Variants in ZC3HAV1 observed in about 807,000 individuals in gnomAD.
The protein encoded by ZC3HAV1 is zinc finger CCCH-type antiviral protein 1.
Under a neutral mutation model 86.6 loss-of-function variants are expected in ZC3HAV1, and 41 were observed. The ratio of observed to expected loss-of-function variants is 0.47; its 90% confidence interval spans 0.37 to 0.61. ZC3HAV1 has a LOEUF of 0.61. Ranked by LOEUF, ZC3HAV1 falls within the 20% of genes least tolerant of loss-of-function variation. ZC3HAV1 has a pLI of 0.00. For missense variants in ZC3HAV1, 964 were observed against 1,141.1 expected (o/e 0.84, Z 2.24); for synonymous variants, 421 against 432.1 (o/e 0.97, Z 0.32).
intron 10 of ZC3HAV1, 59 bp downstream of exon 10, chr7:139,055,146 G>A: frequency 2.7e-6 from 4 of 1,456,828 alleles, no homozygotes; most frequent in Non-Finnish European, 3.8e-6. Context: ...TACACTTGTA[G>A]CAAAGTACTT....
At chr7:139,086,675 A>G (rs1162673709) in intron 2 of ZC3HAV1, among the ~76,000 whole-genome samples, 1 of 152,138 alleles carries the variant, frequency 6.6e-6, no homozygotes, top group African/African-American at 2.4e-5. Context: ...TAGTTCCCAT[A>G]ATCCCCACGT....
chr7:139,101,260 G>A (rs1170609617), intron 1 of ZC3HAV1, among the ~76,000 whole-genome samples: 1 of 150,694 alleles, frequency 6.6e-6, no homozygotes, highest in Non-Finnish European at 1.5e-5. Flanking sequence ...CTGCCCTGCC[G>A]CCACCCCGTC....
intron 8 of ZC3HAV1, among the ~76,000 whole-genome samples, 197 bp downstream of exon 8, chr7:139,064,682 G>C (rs1342924522): frequency 6.6e-6 from 1 of 152,152 alleles, no homozygotes; most frequent in Non-Finnish European, 1.5e-5. Flanking sequence ...CTCCTAGGGT[G>C]GCAGAGCAAG....
At chr7:139,060,609 G>A in intron 9 of ZC3HAV1, 1 of 1,049,276 alleles carries the variant, frequency 9.5e-7, no homozygotes, top group Middle Eastern at 4.7e-4. Context: ...GGGAGACTGA[G>A]GTAGGAGGAT....
intron 12 of ZC3HAV1, among the ~76,000 whole-genome samples, chr7:139,050,322 T>C (rs781468680): frequency 9.2e-5 from 14 of 152,180 alleles, no homozygotes; most frequent in Non-Finnish European, 2.1e-4. Context: ...AAAATTCCCT[T>C]TATTGTGTTA....
At chr7:139,068,757 A>T (rs543824605) in intron 7 of ZC3HAV1, among the ~76,000 whole-genome samples, 3 of 152,300 alleles carry the variant, frequency 2.0e-5, no homozygotes, top group Non-Finnish European at 4.4e-5. Flanking sequence ...GAACCCCGGT[A>T]GGTGGTGAAG....
intron 4 of ZC3HAV1, chr7:139,078,984 CA>C: frequency 1.4e-6 from 2 of 1,398,126 alleles, no homozygotes; most frequent in Non-Finnish European, 1.9e-6. Flanking sequence ...ACCCCATAAC[CA>C]AAACCCTCTA....
chr7:139,094,183 T>G (rs948922718), intron 1 of ZC3HAV1, among the ~76,000 whole-genome samples: 3 of 152,120 alleles, frequency 2.0e-5, no homozygotes, highest in Non-Finnish European at 4.4e-5. Flanking sequence ...ATTAGATTCC[T>G]GGGCCCCCAC....
chr7:139,060,239 C>T, intron 9 of ZC3HAV1: 2 of 985,156 alleles, frequency 2.0e-6, no homozygotes, highest in Non-Finnish European at 2.4e-6. Flanking sequence ...TTCTTACAAC[C>T]AAAAGAACCT....
intron 4 of ZC3HAV1, chr7:139,079,035 AACC>A (rs1817040924): frequency 6.6e-7 from 1 of 1,515,114 alleles, no homozygotes; most frequent in East Asian, 2.5e-5. Flanking sequence ...TCCAAGGAAA[AACC>A]ACCAGCCATA....
chr7:139,075,458 G>A (rs1816913566), intron 6 of ZC3HAV1, among the ~76,000 whole-genome samples: 1 of 152,070 alleles, frequency 6.6e-6, no homozygotes, highest in African/African-American at 2.4e-5. Context: ...TTTGAGACAG[G>A]GTCTCACTCT....
chr7:139,074,167 G>A, intron 6 of ZC3HAV1, 137 bp from the exon 7 acceptor site: 2 of 749,846 alleles, frequency 2.7e-6, no homozygotes, highest in Non-Finnish European at 4.0e-6. Flanking sequence ...CATGGCTCCA[G>A]GTCCTACACA....
intron 4 of ZC3HAV1, 161 bp downstream of exon 4, chr7:139,079,309 A>T: frequency 6.5e-7 from 1 of 1,540,040 alleles, no homozygotes; most frequent in Non-Finnish European, 8.7e-7. Flanking sequence ...TCTGACTTCC[A>T]GTACGTAACA....
intron 2 of ZC3HAV1, among the ~76,000 whole-genome samples, chr7:139,088,275 C>T (rs1014701869): frequency 5.3e-5 from 8 of 152,088 alleles, no homozygotes; most frequent in Admixed American, 2.6e-4. Flanking sequence ...CCATTGTCCC[C>T]GTCTTTCTTC....
intron 6 of ZC3HAV1, among the ~76,000 whole-genome samples, chr7:139,075,866 G>A (rs755164064): frequency 1.3e-5 from 2 of 152,140 alleles, no homozygotes; most frequent in Admixed American, 6.5e-5. Context: ...TATTCAAACC[G>A]TGTTTTTAAA....
chr7:139,106,410 C>T (rs1048337754), intron 1 of ZC3HAV1, among the ~76,000 whole-genome samples: 1 of 152,112 alleles, frequency 6.6e-6, no homozygotes, highest in Non-Finnish European at 1.5e-5. Flanking sequence ...CTCAGGAGTT[C>T]GAGACCGGCC....
intron 9 of ZC3HAV1, among the ~76,000 whole-genome samples, chr7:139,058,228 G>T (rs1172329916): frequency 6.8e-6 from 1 of 146,322 alleles, no homozygotes; most frequent in African/African-American, 2.5e-5. Flanking sequence ...ATCACTATGT[G>T]CCATGCATTA....
At chr7:139,079,152 C>A in intron 4 of ZC3HAV1, 2 of 1,536,194 alleles carry the variant, frequency 1.3e-6, no homozygotes, top group Non-Finnish European at 1.7e-6. Context: ...GCAGAGGAAA[C>A]AGGAACCTGG....
intron 1 of ZC3HAV1, among the ~76,000 whole-genome samples, chr7:139,097,885 A>G (rs1376902773): frequency 1.3e-5 from 2 of 152,008 alleles, no homozygotes; most frequent in African/African-American, 2.4e-5. Context: ...TTCTGTATCT[A>G]GAGTGTTGTG....
Sources: allele counts gnomAD v4.1 joint callset (sites outside exome capture counted in the v4.1 genomes callset), GRCh38; gene constraint gnomAD v4.1.1; transcripts MANE v1.5; gene names NCBI Gene and HGNC (gene_info 2026-07-23, HGNC 2026-07-21).